Variants in NDRG3 observed in about 807,000 individuals in gnomAD.
NDRG3 encodes the protein NDRG family member 3.
In NDRG3, 23 loss-of-function variants were observed where a neutral mutation model predicts 57.2. That is an observed-to-expected ratio of 0.40 (90% CI 0.29 to 0.57). NDRG3 has a LOEUF of 0.57. Ranked by LOEUF, NDRG3 falls within the 20% of genes least tolerant of loss-of-function variation. The pLI is 0.42. For missense variants in NDRG3, 384 were observed against 457.3 expected, an observed-to-expected ratio of 0.84 and a Z score of 1.46; for synonymous variants, 132 against 162.6, an observed-to-expected ratio of 0.81 and a Z score of 1.43.
chr20:36,716,532 CAAAAA>C, intron 2 of NDRG3, among the ~76,000 whole-genome samples: 1 of 100,534 alleles, frequency 9.9e-6, no homozygotes, highest in African/African-American at 4.0e-5. Context: ...GACTCCATCT[CAAAAA>C]AAAAAAAAAA....
rs1319083002 is a variant in NDRG3 at position 36,733,163 on chromosome 20, AAAAAAAAAATATATAT to A, written c.-48-11396_-48-11381del. ...TCCTGTCTCAAAAAAAAAAAAAAAAAAAAAAAAAATATATATATATATATATATATATATATATATG... is the reference window on the plus strand; with the variant it reads ...TCCTGTCTCAAAAAAAAAAAAAAAAAATATATATATATATATATATATATG... On this transcript the variant is annotated intron_variant, in intron 1 of 15. Coordinates refer to ENST00000349004, the MANE Select transcript of NDRG3 (RefSeq NM_032013.4). Among the ~76,000 whole-genome samples the A allele has an allele frequency of 1.8e-4, 8 of 45,506 alleles. 1 individual carries two copies. The highest frequency in any genetic ancestry group is 9.3e-4 in the African/African-American group (8 of 8,602). The allele number at this position is 45,506 out of a possible 152,430, so 29.9% of individuals were successfully genotyped here. A position where few individuals can be genotyped will look rare whatever the true frequency, so the allele number is the denominator to read the frequency against.
At chr20:36,671,457 C>T in intron 8 of NDRG3, 60 bp from the exon 9 acceptor site, 3 of 1,334,528 alleles carry the variant, frequency 2.2e-6, no homozygotes, top group Admixed American at 3.6e-5. Flanking sequence ...TATCAAGCTG[C>T]CCAATTAAAA....
Position 36,653,472 on chromosome 20 carries a change from G to A in NDRG3, c.*48C>T. ...TGGATGAAATGTTATATTATGGAGTGGTCATTTGAAGGATGGACTTGCAAT... is the reference window on the plus strand; with the variant it reads ...TGGATGAAATGTTATATTATGGAGTAGTCATTTGAAGGATGGACTTGCAAT... On this transcript the variant is annotated 3_prime_UTR_variant, in exon 16 of 16. Coordinates refer to ENST00000349004, the MANE Select transcript of NDRG3 (RefSeq NM_032013.4). The surrounding 1 kb of genome is among the most constrained non-coding windows in gnomAD (Gnocchi z 4.2). 1.3e-6 allele frequency: 2 copies of A among 1,536,642 alleles called. No individual in the cohort carries two copies. The highest frequency in any genetic ancestry group is 1.8e-6 in the Non-Finnish European group (2 of 1,117,194).
At chr20:36,730,519 A>G (rs1050030860) in intron 1 of NDRG3, among the ~76,000 whole-genome samples, 2 of 152,044 alleles carry the variant, frequency 1.3e-5, no homozygotes, top group Admixed American at 6.6e-5. Flanking sequence ...AAATGTGAAC[A>G]TACTGGAGAA....
intron 1 of NDRG3, among the ~76,000 whole-genome samples, chr20:36,739,166 A>AAAAAAAAT (rs1157120131): frequency 8.6e-6 from 1 of 116,366 alleles, no homozygotes; most frequent in Admixed American, 8.5e-5. Flanking sequence ...AAAAAAAAAA[A>AAAAAAAAT]GGCCAGGCAC....
At chr20:36,715,014 A>G (rs1428850412) in intron 2 of NDRG3, among the ~76,000 whole-genome samples, 974 of 58,286 alleles carry the variant, frequency 0.017, 8 homozygotes, top group Non-Finnish European at 0.023. Flanking sequence ...GTGTATATAT[A>G]TATATATATA....
At chr20:36,696,495 T>G (rs1982798253) in intron 3 of NDRG3, among the ~76,000 whole-genome samples, 1 of 151,592 alleles carries the variant, frequency 6.6e-6, no homozygotes, top group African/African-American at 2.4e-5. Context: ...GCTTTTTCTT[T>G]CTTTTTTTTC....
intron 12 of NDRG3, among the ~76,000 whole-genome samples, chr20:36,663,126 G>T (rs942843458): frequency 8.5e-5 from 13 of 152,160 alleles, no homozygotes; most frequent in African/African-American, 2.9e-4. Flanking sequence ...ATAAATTGGG[G>T]TCACCACTAT....
At chr20:36,745,219 C>G (rs1986129558) in intron 1 of NDRG3, among the ~76,000 whole-genome samples, 1 of 152,204 alleles carries the variant, frequency 6.6e-6, no homozygotes, top group Non-Finnish European at 1.5e-5. Flanking sequence ...AGCAAGATCC[C>G]TGGCACACAG....
At chr20:36,713,599 GAGAT>G (rs1411355977) in intron 2 of NDRG3, among the ~76,000 whole-genome samples, 1 of 152,190 alleles carries the variant, frequency 6.6e-6, no homozygotes, top group East Asian at 1.9e-4. Context: ...GTTGAAAGAT[GAGAT>G]AGATAAGACC....
At chr20:36,690,575 C>T (rs6071909) in intron 3 of NDRG3, among the ~76,000 whole-genome samples, 1,496 of 9,454 alleles carry the variant, frequency 0.16, 672 homozygotes, top group Middle Eastern at 0.25. Flanking sequence ...AGGAACCCAA[C>T]AGAGCAGACA....
chr20:36,681,346 A>G (rs1981273248), intron 7 of NDRG3, among the ~76,000 whole-genome samples: 1 of 151,924 alleles, frequency 6.6e-6, no homozygotes. Context: ...AAATAATGAT[A>G]ATAATGTCTG....
chr20:36,690,382 G>A (rs568441685), intron 3 of NDRG3, among the ~76,000 whole-genome samples: 4 of 151,470 alleles, frequency 2.6e-5, no homozygotes, highest in East Asian at 3.9e-4. Context: ...AAGATGCACC[G>A]AGCAAAGCTC....
intron 3 of NDRG3, among the ~76,000 whole-genome samples, chr20:36,693,121 T>A (rs1568647037): frequency 7.1e-5 from 4 of 56,556 alleles, no homozygotes; most frequent in Non-Finnish European, 9.6e-5. Flanking sequence ...TATATATATA[T>A]ATATATATAT....
intron 1 of NDRG3, among the ~76,000 whole-genome samples, chr20:36,743,145 T>C (rs1392623458): frequency 1.3e-5 from 2 of 152,180 alleles, no homozygotes; most frequent in Non-Finnish European, 2.9e-5. Flanking sequence ...AAATAGCATA[T>C]ACCAACTCCA....
chr20:36,670,773 C>T (rs1329937811), intron 9 of NDRG3, among the ~76,000 whole-genome samples: 3 of 152,220 alleles, frequency 2.0e-5, no homozygotes, highest in Non-Finnish European at 2.9e-5. Context: ...TCTGACCTCA[C>T]TGCTCATTTA....
At chr20:36,673,431 T>A (rs1980359103) in intron 8 of NDRG3, among the ~76,000 whole-genome samples, 1 of 151,878 alleles carries the variant, frequency 6.6e-6, no homozygotes, top group South Asian at 2.1e-4. Context: ...CAGGGTCTCG[T>A]TCTCTTGTTC....
chr20:36,704,663 G>A (rs753238915), intron 3 of NDRG3, among the ~76,000 whole-genome samples: 55 of 152,148 alleles, frequency 3.6e-4, no homozygotes, highest in Admixed American at 3.3e-3. Flanking sequence ...AAAAAATAAC[G>A]TAACTTATTG....
chr20:36,665,838 C>T (rs372179615), intron 10 of NDRG3, among the ~76,000 whole-genome samples: 7 of 152,212 alleles, frequency 4.6e-5, no homozygotes, highest in South Asian at 2.1e-4. Flanking sequence ...CCTCATGATC[C>T]GCCCACCTCG....
Sources: allele counts gnomAD v4.1 joint callset (sites outside exome capture counted in the v4.1 genomes callset), GRCh38; gene constraint gnomAD v4.1.1; non-coding constraint Gnocchi (gnomAD v3.1); transcripts MANE v1.5; gene names NCBI Gene and HGNC (gene_info 2026-07-23, HGNC 2026-07-21).